EVI5: variants seen among roughly 807,000 people sequenced by gnomAD.
EVI5 encodes the protein ecotropic viral integration site 5, also known as ecotropic viral integration site 5 protein homolog.
Under a neutral mutation model 112.0 loss-of-function variants are expected in EVI5, and 73 were observed. That is an observed-to-expected ratio of 0.65 (90% CI 0.54 to 0.79). The LOEUF (loss-of-function observed/expected upper bound fraction) is 0.79, where lower values mean the gene tolerates loss of function less well. EVI5 is among the 30% of genes least tolerant of loss of function. EVI5 has a pLI of 0.00. For missense variants in EVI5, 900 were observed against 968.8 expected (o/e 0.93, Z 0.94); for synonymous variants, 305 against 319.9 (o/e 0.95, Z 0.50).
At chr1:92,733,647 G>A (rs1280294400) in intron 2 of EVI5, among the ~76,000 whole-genome samples, 2 of 151,700 alleles carry the variant, frequency 1.3e-5, no homozygotes, top group East Asian at 3.9e-4. Context: ...CCTGAGACTG[G>A]GCAATCCGCC....
chr1:92,607,046 T>C (rs1650581537), intron 17 of EVI5, among the ~76,000 whole-genome samples: 1 of 152,218 alleles, frequency 6.6e-6, no homozygotes, highest in African/African-American at 2.4e-5. Context: ...TTGATGCTTT[T>C]TGAATCCAAA....
At chr1:92,603,602 T>A (rs911514394) in intron 18 of EVI5, among the ~76,000 whole-genome samples, 1 of 152,102 alleles carries the variant, frequency 6.6e-6, no homozygotes, top group East Asian at 1.9e-4. Context: ...AGTTTATTTA[T>A]AAACTTCCAA....
rs542799008 is a variant in EVI5, at chr1:92,784,588, C to T, written c.-82+248G>A. The T allele has an allele frequency of 5.6e-3, 1,847 of 330,578 alleles. 10 individuals are homozygous for T. Among genetic ancestry groups the T allele is most frequent in the Admixed American group, 0.011 (176 of 15,528 alleles). 20.5% of individuals were successfully genotyped at this position (330,578 alleles called of 1,614,324 possible). On this transcript the variant is annotated intron_variant, in intron 1 of 19. Transcript: ENST00000684568. ...CCGCCCTGGGACGCCACAGTTAGAC[C>T]CGCCGACGAGTTTCTTCCCCAGCGC...
At chr1:92,553,394 C>G (rs1010727504) in intron 19 of EVI5, among the ~76,000 whole-genome samples, 1 of 151,304 alleles carries the variant, frequency 6.6e-6, no homozygotes, top group Admixed American at 6.6e-5. Flanking sequence ...CCTCTGCCTC[C>G]TGGGTTCAAG....
At chr1:92,540,624 T>C (rs1272240111) in intron 19 of EVI5, among the ~76,000 whole-genome samples, 1 of 152,188 alleles carries the variant, frequency 6.6e-6, no homozygotes, top group East Asian at 1.9e-4. Context: ...ATTCTCTAGG[T>C]TGTCTTTTCA....
At chr1:92,661,535 CA>C (rs1179746189) in intron 13 of EVI5, among the ~76,000 whole-genome samples, 4 of 152,074 alleles carry the variant, frequency 2.6e-5, no homozygotes, top group Non-Finnish European at 5.9e-5. Flanking sequence ...TAACTTATTT[CA>C]GGTAAATTCC....
intron 1 of EVI5, among the ~76,000 whole-genome samples, chr1:92,791,382 T>G (rs914520029): frequency 6.6e-6 from 1 of 152,178 alleles, no homozygotes; most frequent in African/African-American, 2.4e-5. Flanking sequence ...ATTCATAAAC[T>G]GGAGATAATA....
intron 14 of EVI5, among the ~76,000 whole-genome samples, chr1:92,629,573 A>C (rs1656434267): frequency 6.6e-6 from 1 of 152,238 alleles, no homozygotes; most frequent in South Asian, 2.1e-4. Flanking sequence ...AAGTACATTC[A>C]GGCTAAAAGG....
Position 92,586,058 on chromosome 1 carries a change from G to C in EVI5, c.2070+19249C>G, listed in dbSNP as rs116788520. Among the ~76,000 whole-genome samples the C allele has an allele frequency of 8.3e-3, 1,268 of 152,174 alleles. 17 individuals are homozygous for C. Among genetic ancestry groups the C allele is most frequent in the Non-Finnish European group, 0.014 (936 of 67,988 alleles). On this transcript the variant is annotated intron_variant, in intron 18 of 19. Coordinates refer to ENST00000684568, the MANE Select transcript of EVI5 (RefSeq NM_001350197.2). ...TGATAGTTTTCTCATGGTAAGACTA[G>C]GGTTATGGGTTATCAAGAGGAATAC... is the stretch of plus-strand genomic sequence containing the variant.
chr1:92,633,310 G>A (rs111352760), intron 14 of EVI5, among the ~76,000 whole-genome samples: 4,081 of 152,308 alleles, frequency 0.027, 157 homozygotes, highest in African/African-American at 0.082. Context: ...GGGAGTCTAA[G>A]TCTCTTTGTA....
At chr1:92,681,045 T>C (rs564856499) in intron 9 of EVI5, among the ~76,000 whole-genome samples, 2 of 152,308 alleles carry the variant, frequency 1.3e-5, no homozygotes, top group Non-Finnish European at 2.9e-5. Flanking sequence ...ACAGCATATA[T>C]TGGTGATAAA....
intron 19 of EVI5, among the ~76,000 whole-genome samples, chr1:92,560,873 C>T (rs1571545188): frequency 6.8e-6 from 1 of 146,704 alleles, no homozygotes; most frequent in South Asian, 2.1e-4. Context: ...CCTACAAAAG[C>T]TTTTTTTTTT....
At position 92,784,986 on chromosome 1, in the gene EVI5, A is replaced by C; in HGVS notation, c.-232T>G. 2 of 985,454 alleles carry C rather than the reference A, an allele frequency of 2.0e-6. No homozygotes were observed. The highest frequency in any genetic ancestry group is 4.7e-5 in the South Asian group (1 of 21,278). 61.0% of individuals were successfully genotyped at this position (985,454 alleles called of 1,614,324 possible). Reference sequence around the variant, plus strand: ...AAGCACCACGCTCACTCAGAAGCTCAGGGCCGCCTCGCGACCCTCACCTAC... The same window carrying C: ...AAGCACCACGCTCACTCAGAAGCTCCGGGCCGCCTCGCGACCCTCACCTAC... On this transcript the variant is annotated 5_prime_UTR_variant, in exon 1 of 20. Coordinates refer to ENST00000684568, the MANE Select transcript of EVI5 (RefSeq NM_001350197.2).
chr1:92,693,981 G>T, intron 8 of EVI5, 82 bp from the exon 9 acceptor site: 1 of 883,958 alleles, frequency 1.1e-6, no homozygotes, highest in Non-Finnish European at 1.8e-6. Flanking sequence ...GAAATTATGG[G>T]CTGGGCGTGG....
intron 13 of EVI5, among the ~76,000 whole-genome samples, chr1:92,639,330 A>G (rs1288533292): frequency 6.6e-6 from 1 of 152,102 alleles, no homozygotes; most frequent in Non-Finnish European, 1.5e-5. Flanking sequence ...AAAATCTTCA[A>G]TATTTGAAGG....
At chr1:92,736,370 G>T in intron 2 of EVI5, 28 bp downstream of exon 2, 1 of 1,414,990 alleles carries the variant, frequency 7.1e-7, no homozygotes, top group Non-Finnish European at 1.0e-6. Flanking sequence ...TATAATTGGA[G>T]AGAAAAAAGC....
At chr1:92,592,671 A>AG (rs1226196794) in intron 18 of EVI5, among the ~76,000 whole-genome samples, 1 of 152,222 alleles carries the variant, frequency 6.6e-6, no homozygotes, top group Non-Finnish European at 1.5e-5. Context: ...ATAGACCACT[A>AG]GCAAGACTAA....
chr1:92,632,180 A>G lies in EVI5; in HGVS notation c.1527+4022T>C, dbSNP rs144058001. Among the ~76,000 whole-genome samples the G allele has an allele frequency of 4.0e-3, 608 of 152,234 alleles. 4 individuals are homozygous for G. The highest frequency in any genetic ancestry group is 0.014 in the African/African-American group (589 of 41,522). On this transcript the variant is annotated intron_variant, in intron 14 of 19. Coordinates refer to ENST00000684568, the MANE Select transcript of EVI5 (RefSeq NM_001350197.2). Reference sequence around the variant, plus strand: ...GTCTCTGCCAACCTTTGGTATCAGGATGATGCTGGCCTCATAAAATGAGTT... The same window carrying G: ...GTCTCTGCCAACCTTTGGTATCAGGGTGATGCTGGCCTCATAAAATGAGTT...
intron 19 of EVI5, among the ~76,000 whole-genome samples, chr1:92,538,016 G>C (rs377506048): frequency 1.3e-5 from 2 of 152,086 alleles, no homozygotes; most frequent in East Asian, 1.9e-4. Flanking sequence ...GAAAGGAAAG[G>C]AAAGTTTGGA....
Sources: gnomAD v4.1 joint callset for allele counts (sites outside exome capture counted in the v4.1 genomes callset) on GRCh38, gnomAD v4.1.1 for gene constraint, MANE v1.5 for transcripts, NCBI Gene and HGNC (gene_info 2026-07-23, HGNC 2026-07-21) for gene names.